The following RAP1A variants were observed in gnomAD, a reference collection of about 807,000 sequenced individuals.
RAP1A encodes the protein ras-related protein Rap-1A.
RAP1A carries 6 observed loss-of-function variants against 26.4 expected under a neutral mutation model. The observed-to-expected ratio is 0.23, with a 90% CI of 0.12 to 0.45. RAP1A has a LOEUF of 0.45. Ranked by LOEUF, RAP1A falls within the 20% of genes least tolerant of loss-of-function variation. RAP1A has a pLI of 0.99. For missense variants in RAP1A, 121 were observed against 217.2 expected (o/e 0.56, Z 2.78); for synonymous variants, 73 against 79.4 (o/e 0.92, Z 0.43).
chr1:111,624,378 A>G (rs149690091), intron 1 of RAP1A, among the ~76,000 whole-genome samples: 1 of 152,304 alleles, frequency 6.6e-6, no homozygotes, highest in East Asian at 1.9e-4. Context: ...TTAGTTTTTC[A>G]TATACAAAGA....
intron 1 of RAP1A, among the ~76,000 whole-genome samples, chr1:111,584,842 T>C (rs1658331697): frequency 6.6e-6 from 1 of 152,206 alleles, no homozygotes. Context: ...ATATGAGGCT[T>C]ATTCAGTTAA....
At chr1:111,648,335 T>A in intron 1 of RAP1A, 1 of 780,362 alleles carries the variant, frequency 1.3e-6, no homozygotes, top group Non-Finnish European at 2.1e-6. Context: ...CACTTTGCCA[T>A]CCACTATCTG....
At chr1:111,555,293 GA>G (rs536109185) in intron 1 of RAP1A, among the ~76,000 whole-genome samples, 70 of 143,954 alleles carry the variant, frequency 4.9e-4, no homozygotes, top group African/African-American at 1.7e-3. Context: ...TTGAACCCAG[GA>G]GGCTGAGGTT....
intron 1 of RAP1A, among the ~76,000 whole-genome samples, chr1:111,552,502 A>G (rs1250289517): frequency 6.6e-6 from 1 of 152,122 alleles, no homozygotes; most frequent in African/African-American, 2.4e-5. Context: ...TTTATGTTGG[A>G]GTTCATTTTC....
chr1:111,627,259 T>A (rs1659428429), intron 1 of RAP1A, among the ~76,000 whole-genome samples: 1 of 152,028 alleles, frequency 6.6e-6, no homozygotes, highest in Admixed American at 6.5e-5. Context: ...CATGTACGGA[T>A]TTTTTATTTA....
In RAP1A at chr1:111,564,013, A is replaced by T; in HGVS notation, c.-28+21504A>T. ...AGCTTCCAACAGCCACATTCCACCC[A>T]TCCAACCCTTCTGCCATTAGAGAAC... On this transcript the variant is annotated intron_variant, in intron 1 of 7. Transcript: ENST00000356415. 3 of 1,223,096 alleles carry T rather than the reference A, an allele frequency of 2.5e-6. No individual in the cohort carries two copies. The South Asian group carries it at 3.6e-5, about 15-fold the overall frequency. 75.8% of individuals were successfully genotyped at this position (1,223,096 alleles called of 1,614,324 possible).
chr1:111,637,215 A>G (rs1420515473), intron 1 of RAP1A, among the ~76,000 whole-genome samples: 1 of 152,218 alleles, frequency 6.6e-6, no homozygotes, highest in East Asian at 1.9e-4. Flanking sequence ...AAAATTAATG[A>G]TATATCTTAG....
At chr1:111,579,698 C>A (rs1658214280) in intron 1 of RAP1A, among the ~76,000 whole-genome samples, 1 of 152,124 alleles carries the variant, frequency 6.6e-6, no homozygotes, top group Non-Finnish European at 1.5e-5. Context: ...GCCTAGCCTA[C>A]CTTAGACAAA....
chr1:111,554,694 A>G (rs1657408217), intron 1 of RAP1A, among the ~76,000 whole-genome samples: 1 of 152,266 alleles, frequency 6.6e-6, no homozygotes, highest in African/African-American at 2.4e-5. Flanking sequence ...TTCTCTTGAG[A>G]ATTTGTAACC....
chr1:111,635,561 C>CTTTTTTTTTTTTTTTTTTT (rs1557873119), intron 1 of RAP1A, among the ~76,000 whole-genome samples: 10 of 151,964 alleles, frequency 6.6e-5, no homozygotes, highest in African/African-American at 2.4e-4. Context: ...TCTTTGTTTT[C>CTTTTTTTTTTTTTTTTTTT]TTTGTGTTTT....
intron 1 of RAP1A, among the ~76,000 whole-genome samples, chr1:111,639,341 G>A (rs2789544): frequency 0.78 from 118,234 of 151,402 alleles, 46,251 homozygotes; most frequent in Non-Finnish European, 0.81. Context: ...TTTTTTAAGA[G>A]TCTGGTGTTT....
chr1:111,591,059 C>T (rs888942519), intron 1 of RAP1A, among the ~76,000 whole-genome samples: 10 of 152,108 alleles, frequency 6.6e-5, no homozygotes, highest in African/African-American at 2.4e-4. Context: ...ACCAATTCAA[C>T]GTTTTAAAAA....
chr1:111,560,175 A>G (rs908192080), intron 1 of RAP1A, among the ~76,000 whole-genome samples: 15 of 152,170 alleles, frequency 9.9e-5, no homozygotes, highest in Admixed American at 9.8e-4. Flanking sequence ...ACTTATCTAA[A>G]CACATGAGAT....
At chr1:111,629,547 AGTGAGTTATCATACC>A (rs1659506370) in intron 1 of RAP1A, among the ~76,000 whole-genome samples, 1 of 152,224 alleles carries the variant, frequency 6.6e-6, no homozygotes, top group Non-Finnish European at 1.5e-5. Context: ...TTTTTAAAAC[AGTGAGTTATCATACC>A]TTTCTTAATG....
At chr1:111,544,476 CTT>C (rs879461835) in intron 1 of RAP1A, among the ~76,000 whole-genome samples, 2 of 152,130 alleles carry the variant, frequency 1.3e-5, no homozygotes, top group African/African-American at 4.8e-5. Flanking sequence ...TTGTGTCTAA[CTT>C]ATTTCTTTCA....
chr1:111,584,056 A>G (rs892307951), intron 1 of RAP1A, among the ~76,000 whole-genome samples: 8 of 151,410 alleles, frequency 5.3e-5, no homozygotes, highest in Non-Finnish European at 1.5e-5. Context: ...TAGTTTTTGT[A>G]TTTTTAGTAG....
chr1:111,701,527 A>G (rs1288109480), intron 4 of RAP1A, among the ~76,000 whole-genome samples: 3 of 152,170 alleles, frequency 2.0e-5, no homozygotes, highest in Non-Finnish European at 4.4e-5. Flanking sequence ...CAGGGCAGAA[A>G]TTTTTGCCTC....
Position 111,626,891 on chromosome 1 carries a change from G to A in RAP1A, c.-28+6957G>A, listed in dbSNP as rs560279920. ...GCCTTGTGCAGTTTCATAAATACAG[G>A]TACTACTGAGTTTTGGATGACATTC... On this transcript the variant is annotated intron_variant, in intron 1 of 7. Transcript: ENST00000369709. Among the ~76,000 whole-genome samples the A allele has an allele frequency of 5.9e-5, 9 of 152,216 alleles. No individual in the cohort carries two copies. In the South Asian group the frequency reaches 1.4e-3, roughly 25 times the overall value.
chr1:111,584,961 AT>A (rs1321002818), intron 1 of RAP1A, among the ~76,000 whole-genome samples: 1 of 152,170 alleles, frequency 6.6e-6, no homozygotes. Context: ...TTTCATCTTC[AT>A]TTTCACACCC....
Sources: allele counts gnomAD v4.1 joint callset (sites outside exome capture counted in the v4.1 genomes callset), GRCh38; gene constraint gnomAD v4.1.1; transcripts MANE v1.5; gene names NCBI Gene and HGNC (gene_info 2026-07-23, HGNC 2026-07-21).